RPS3: variants seen among roughly 807,000 people sequenced by gnomAD.
RPS3 encodes ribosomal protein S3, also known as small ribosomal subunit protein uS3.
A neutral mutation model predicts 25.8 loss-of-function variants in RPS3; 2 were observed. That is an observed-to-expected ratio of 0.08 (90% CI 0.03 to 0.24). The LOEUF is 0.24. Among genes scored for constraint, RPS3 ranks in the 10% least tolerant of loss-of-function variants. The pLI is 1.00. For synonymous variants in RPS3, 114 were observed against 114.2 expected (o/e 1.00, Z 0.01); for missense variants, 107 against 307.1 (o/e 0.35, Z 4.87).
chr11:75,408,558 A>C (rs1238117148), downstream of RPS3, among the ~76,000 whole-genome samples: 4 of 151,936 alleles, frequency 2.6e-5, no homozygotes, highest in Non-Finnish European at 2.9e-5. Context: ...TCATGTCTGT[A>C]ATCTTTAGGA....
At chr11:75,417,604 C>A (rs1196380849) in intron 6 of RPS3, among the ~76,000 whole-genome samples, 1 of 152,110 alleles carries the variant, frequency 6.6e-6, no homozygotes, top group Non-Finnish European at 1.5e-5. Flanking sequence ...CACACACACA[C>A]AAAAATTTAA....
chr11:75,407,910 C>T (rs1948304861), downstream of RPS3, among the ~76,000 whole-genome samples: 1 of 152,152 alleles, frequency 6.6e-6, no homozygotes, highest in South Asian at 2.1e-4. Context: ...CTGTTAATTC[C>T]CACTAGGTGT....
intron 6 of RPS3, among the ~76,000 whole-genome samples, chr11:75,413,422 A>G (rs1305797863): frequency 6.6e-6 from 1 of 151,836 alleles, no homozygotes; most frequent in East Asian, 2.0e-4. Context: ...ACGCCCAGCT[A>G]ATTTTTTGTA....
chr11:75,413,438 A>C (rs1030512111), intron 6 of RPS3, among the ~76,000 whole-genome samples: 2 of 151,950 alleles, frequency 1.3e-5, no homozygotes, highest in Admixed American at 1.3e-4. Context: ...TTGTATTTTT[A>C]GTAGAGACAG....
chr11:75,399,648 G>T, intron 1 of RPS3, 71 bp downstream of exon 1: 1 of 1,360,246 alleles, frequency 7.4e-7, no homozygotes, highest in Non-Finnish European at 1.0e-6. Context: ...GGGTGCCACC[G>T]CGAGGCCTGC....
At chr11:75,420,395 A>C (rs913384575) in intron 6 of RPS3, among the ~76,000 whole-genome samples, 1 of 152,136 alleles carries the variant, frequency 6.6e-6, no homozygotes, top group African/African-American at 2.4e-5. Context: ...CCATGGTGCA[A>C]ATGATGGTCT....
chr11:75,401,880 T>C (rs1948214800), intron 3 of RPS3, 147 bp downstream of exon 3: 2 of 615,862 alleles, frequency 3.2e-6, no homozygotes, highest in Admixed American at 3.1e-5. Context: ...GGGCTTAACT[T>C]TGTAAGCCTA....
chr11:75,412,260 AT>A (rs1473385250), intron 6 of RPS3, among the ~76,000 whole-genome samples: 2 of 152,054 alleles, frequency 1.3e-5, no homozygotes, highest in Non-Finnish European at 2.9e-5. Context: ...CCAAATTCTT[AT>A]GTTGAAGCCC....
chr11:75,417,924 G>A (rs1948412290), intron 6 of RPS3, among the ~76,000 whole-genome samples: 1 of 152,224 alleles, frequency 6.6e-6, no homozygotes, highest in African/African-American at 2.4e-5. Flanking sequence ...GCTTACTACT[G>A]TGTGAGCATT....
At position 75,404,035 on chromosome 11, in the gene RPS3, G is replaced by A. The variant is rs371917914; in HGVS notation, c.366G>A (p.Val122=). The A allele has an allele frequency of 3.1e-6, 5 of 1,612,528 alleles. No individual in the cohort carries two copies. Among genetic ancestry groups the A allele is most frequent in the Non-Finnish European group, 4.2e-6 (5 of 1,180,010 alleles). The change falls in exon 5 of 7, where the codon GTG becomes GTA. Residue 122 remains valine, a synonymous_variant. Coordinates refer to ENST00000531188, the MANE Select transcript of RPS3 (RefSeq NM_001005.5). The surrounding 1 kb of genome is among the most constrained non-coding windows in gnomAD (Gnocchi z 4.6). ...GLAVRRACYG[V]LRFIMESGAK... is the part of the protein sequence containing the mutation. ...TCTTTTAAAGGGCCTGCTATGGTGT[G>A]CTGCGGTTCATCATGGAGAGTGGGG...
intron 6 of RPS3, among the ~76,000 whole-genome samples, chr11:75,415,049 A>G (rs1201543685): frequency 6.6e-6 from 1 of 152,222 alleles, no homozygotes; most frequent in Admixed American, 6.5e-5. Flanking sequence ...CACCACCTCC[A>G]GTCAGCCATG....
At chr11:75,408,301 C>T (rs1031875301), downstream of RPS3, among the ~76,000 whole-genome samples, 1 of 152,042 alleles carries the variant, frequency 6.6e-6, no homozygotes, top group African/African-American at 2.4e-5. Flanking sequence ...CCAGAAGTTC[C>T]AGGCCAGCCT....
downstream of RPS3, among the ~76,000 whole-genome samples, chr11:75,409,846 G>A (rs1422541746): frequency 6.7e-6 from 1 of 148,810 alleles, no homozygotes; most frequent in African/African-American, 2.5e-5. Context: ...CGGACGGGGC[G>A]GCTGGCCGGG....
At chr11:75,410,053 T>C (rs1487095909), downstream of RPS3, among the ~76,000 whole-genome samples, 1 of 123,032 alleles carries the variant, frequency 8.1e-6, no homozygotes, top group African/African-American at 3.2e-5. Context: ...ACGGGGCGGC[T>C]GGCCAGGCGG....
chr11:75,408,601 A>G (rs548987951), downstream of RPS3, among the ~76,000 whole-genome samples: 1 of 152,016 alleles, frequency 6.6e-6, no homozygotes, highest in Non-Finnish European at 1.5e-5. Flanking sequence ...TCTTTTTGAG[A>G]CAGTCTTGCT....
In RPS3 at chr11:75,404,484, C is replaced by T. The variant is rs763521015; in HGVS notation, c.539-188C>T. 3.8e-6 allele frequency: 3 copies of T among 799,462 alleles called. No individual in the cohort carries two copies. The highest frequency in any genetic ancestry group is 6.8e-6 in the Non-Finnish European group (3 of 438,732). 49.5% of individuals were successfully genotyped at this position (799,462 alleles called of 1,614,324 possible). A position where few individuals can be genotyped will look rare whatever the true frequency, so the allele number is the denominator to read the frequency against. On this transcript the variant is annotated intron_variant, in intron 5 of 6. Coordinates refer to ENST00000531188, the MANE Select transcript of RPS3 (RefSeq NM_001005.5). This position sits in a 1 kb window ranked among gnomAD's most constrained non-coding sequence, Gnocchi z 4.6. ...TCCTGCTCTTGGTCCTTGTCAGTGC[C>T]ATGTTCTGTGGTGCTGTGCACGAGT...
chr11:75,401,871 G>A, intron 3 of RPS3, 138 bp downstream of exon 3: 1 of 626,942 alleles, frequency 1.6e-6, no homozygotes, highest in South Asian at 2.0e-5. Context: ...ATGAATAATG[G>A]GCTTAACTTT....
In RPS3 at chr11:75,405,785, T is replaced by C. The variant is rs975047346; in HGVS notation, c.*175T>C. On this transcript the variant is annotated 3_prime_UTR_variant, in exon 7 of 7. Coordinates refer to ENST00000531188, the MANE Select transcript of RPS3 (RefSeq NM_001005.5). ...TTGGTTTTAACCATACTTGTGGTAT[T>C]TGCAAGGGCCAGAACAGTAAGACCC... 3.6e-5 allele frequency: 14 copies of C among 384,554 alleles called. No individual in the cohort carries two copies. The highest frequency in any genetic ancestry group is 1.9e-4 in the Admixed American group (6 of 30,774). The allele number at this position is 384,554 out of a possible 1,614,324, so 23.8% of individuals were successfully genotyped here. A position where few individuals can be genotyped will look rare whatever the true frequency, so the allele number is the denominator to read the frequency against.
At chr11:75,401,858 T>A (rs769874466) in intron 3 of RPS3, 125 bp downstream of exon 3, 1 of 654,574 alleles carries the variant, frequency 1.5e-6, no homozygotes, top group Non-Finnish European at 2.8e-6. Flanking sequence ...TGAAATTCTC[T>A]TAATGAATAA....
Sources: allele counts gnomAD v4.1 joint callset (sites outside exome capture counted in the v4.1 genomes callset), GRCh38; gene constraint gnomAD v4.1.1; non-coding constraint Gnocchi (gnomAD v3.1); transcripts MANE v1.5; gene names NCBI Gene and HGNC (gene_info 2026-07-23, HGNC 2026-07-21).